The following SLC25A21 variants were observed in gnomAD, a reference collection of about 807,000 sequenced individuals.
SLC25A21 encodes the protein mitochondrial 2-oxodicarboxylate carrier.
In SLC25A21, 47 loss-of-function variants were observed where a neutral mutation model predicts 43.8. The observed-to-expected ratio is 1.07, with a 90% CI of 0.85 to 1.37. The LOEUF is 1.37. SLC25A21 is among the 40% of genes most tolerant of loss of function. The pLI, the probability that SLC25A21 is intolerant of heterozygous loss-of-function variation, is 0.00. For synonymous variants in SLC25A21, 131 were observed against 121.3 expected (o/e 1.08, Z -0.52); for missense variants, 352 against 350.2 (o/e 1.00, Z -0.04).
rs142634456 is a variant in SLC25A21 at position 36,708,480 on chromosome 14, C to T, written c.603+2838G>A. 8.2e-4 allele frequency among the ~76,000 whole-genome samples: 125 copies of T among 152,284 alleles called. No homozygotes were observed. The East Asian group carries it at 0.021, about 25-fold the overall frequency. ...TAAAATAAGATCTTTCCCTGTCATG[C>T]AGGCTGGAGTGCAGTGCCATGGTCA... On this transcript the variant is annotated intron_variant, in intron 7 of 9. Transcript: ENST00000331299.
rs182775403 is a variant in SLC25A21 at position 36,687,385 on chromosome 14, G to A, written c.604-2460C>T. On this transcript the variant is annotated intron_variant, in intron 7 of 9. Transcript: ENST00000331299. ...CTGGGTCCCGCTGCAGACCCATCTC[G>A]GGGGTGAGAAGAAGGTGCCTGCAAG... Among the ~76,000 whole-genome samples the A allele has an allele frequency of 3.0e-4, 45 of 152,276 alleles. No homozygotes were observed. The Middle Eastern group carries it at 0.014, about 46-fold the overall frequency.
At chr14:36,757,233 G>T (rs1056524566) in intron 3 of SLC25A21, among the ~76,000 whole-genome samples, 1 of 152,118 alleles carries the variant, frequency 6.6e-6, no homozygotes, top group African/African-American at 2.4e-5. Flanking sequence ...TCTCCAGCCT[G>T]GGTGACAGAG....
chr14:37,172,552 T>C lies in SLC25A21; in HGVS notation c.-202A>G. 1.4e-6 allele frequency: 1 copy of C among 714,404 alleles called. No individual in the cohort carries two copies. Among genetic ancestry groups the C allele is most frequent in the Non-Finnish European group, 2.5e-6 (1 of 393,922 alleles). The allele number at this position is 714,404 out of a possible 1,614,324, so 44.3% of individuals were successfully genotyped here. A position where few individuals can be genotyped will look rare whatever the true frequency, so the allele number is the denominator to read the frequency against. ...GCGATCTCCGGCGCGTCGGAACCTGTTCGCAGCGCTCTCGCAGAGGCGCCC... is the reference window on the plus strand; with the variant it reads ...GCGATCTCCGGCGCGTCGGAACCTGCTCGCAGCGCTCTCGCAGAGGCGCCC... On this transcript the variant is annotated 5_prime_UTR_variant, in exon 1 of 10. Transcript: ENST00000331299.
At chr14:36,841,064 T>G (rs1252918753) in intron 2 of SLC25A21, among the ~76,000 whole-genome samples, 6 of 152,234 alleles carry the variant, frequency 3.9e-5, no homozygotes, top group Non-Finnish European at 8.8e-5. Flanking sequence ...TTTCCTTTTC[T>G]CCTTTTATGA....
intron 3 of SLC25A21, among the ~76,000 whole-genome samples, chr14:36,750,171 C>T (rs115229819): frequency 0.023 from 3,502 of 152,268 alleles, 151 homozygotes; most frequent in African/African-American, 0.08. Flanking sequence ...TTGAACTATT[C>T]TAAGATCAAT....
Position 37,046,730 on chromosome 14 carries a change from C to T in SLC25A21, c.70+125551G>A, listed in dbSNP as rs945100950. ...CTGTATACACATTCATGATTGTGCTCTGCCCTTTTTTATTTCCTCCACCAA... is the reference window on the plus strand; with the variant it reads ...CTGTATACACATTCATGATTGTGCTTTGCCCTTTTTTATTTCCTCCACCAA... On this transcript the variant is annotated intron_variant, in intron 1 of 9. Transcript: ENST00000331299. 2.0e-5 allele frequency among the ~76,000 whole-genome samples: 3 copies of T among 152,160 alleles called. No homozygotes were observed. The South Asian group carries it at 6.2e-4, about 32-fold the overall frequency.
At chr14:36,758,590 C>CAAA (rs11314165) in intron 3 of SLC25A21, among the ~76,000 whole-genome samples, 19,746 of 127,308 alleles carry the variant, frequency 0.16, 1,599 homozygotes, top group South Asian at 0.23. Context: ...TCAGCCAGGT[C>CAAA]AAAAAAAAAA....
intron 1 of SLC25A21, among the ~76,000 whole-genome samples, chr14:36,924,105 G>C (rs1428667326): frequency 1.3e-5 from 2 of 152,078 alleles, no homozygotes; most frequent in African/African-American, 4.8e-5. Context: ...AACCATTATG[G>C]AAGTCAGTGT....
chr14:36,930,733 T>C (rs1218872124), intron 1 of SLC25A21, among the ~76,000 whole-genome samples: 1 of 152,118 alleles, frequency 6.6e-6, no homozygotes, highest in Non-Finnish European at 1.5e-5. Flanking sequence ...ACTGTTACAA[T>C]GAAGTTCAAA....
At chr14:36,949,132 T>C (rs1016111186) in intron 1 of SLC25A21, among the ~76,000 whole-genome samples, 4 of 152,180 alleles carry the variant, frequency 2.6e-5, no homozygotes, top group African/African-American at 9.6e-5. Flanking sequence ...TGAATATCAG[T>C]CCAGCTTTCT....
intron 1 of SLC25A21, among the ~76,000 whole-genome samples, chr14:36,971,606 G>C (rs137958258): frequency 9.9e-5 from 15 of 151,828 alleles, no homozygotes; most frequent in African/African-American, 3.1e-4. Flanking sequence ...GCTCCCTTTC[G>C]GGCACCTCTC....
At chr14:37,011,987 T>C (rs1337220586) in intron 1 of SLC25A21, among the ~76,000 whole-genome samples, 1 of 152,178 alleles carries the variant, frequency 6.6e-6, no homozygotes, top group Non-Finnish European at 1.5e-5. Flanking sequence ...TTTCTTCTTC[T>C]CAAGAGTTAC....
intron 3 of SLC25A21, among the ~76,000 whole-genome samples, chr14:36,747,970 A>C (rs1414314063): frequency 1.3e-5 from 2 of 152,236 alleles, no homozygotes; most frequent in East Asian, 3.8e-4. Flanking sequence ...GGGATATGTT[A>C]GAAACAAAAA....
intron 1 of SLC25A21, among the ~76,000 whole-genome samples, chr14:36,875,837 T>C (rs1890505742): frequency 6.6e-6 from 1 of 152,162 alleles, no homozygotes; most frequent in Non-Finnish European, 1.5e-5. Context: ...TCAATTATAA[T>C]ACAAACTACT....
rs534591275 is a variant in SLC25A21, at chr14:36,906,763, A to C, written c.71-31759T>G. ...TCATGATCCACCCCCTCAGCCTCCC[A>C]AAGTGCTGGGATTACAGGTGTGAGC... is the stretch of plus-strand genomic sequence containing the variant. On this transcript the variant is annotated intron_variant, in intron 1 of 9. Transcript: ENST00000331299. Among the ~76,000 whole-genome samples the C allele has an allele frequency of 2.6e-5, 4 of 152,216 alleles. No individual in the cohort carries two copies. The East Asian group carries it at 5.8e-4, about 22-fold the overall frequency.
chr14:37,166,148 T>C (rs1489674763), intron 1 of SLC25A21, among the ~76,000 whole-genome samples: 1 of 152,216 alleles, frequency 6.6e-6, no homozygotes, highest in Non-Finnish European at 1.5e-5. Context: ...GCAGAGCATG[T>C]GCTAGATTTC....
At chr14:36,834,899 T>C (rs775972344) in intron 2 of SLC25A21, among the ~76,000 whole-genome samples, 1 of 152,208 alleles carries the variant, frequency 6.6e-6, no homozygotes, top group Non-Finnish European at 1.5e-5. Context: ...CACCAACAAA[T>C]GGTAACCCTA....
intron 2 of SLC25A21, among the ~76,000 whole-genome samples, chr14:36,815,129 T>G (rs1013545934): frequency 1.3e-5 from 2 of 151,972 alleles, no homozygotes; most frequent in African/African-American, 4.8e-5. Flanking sequence ...CGAGAACACA[T>G]GGACACAGGG....
chr14:36,998,382 C>A (rs1355827491), intron 1 of SLC25A21, among the ~76,000 whole-genome samples: 1 of 152,010 alleles, frequency 6.6e-6, no homozygotes, highest in Non-Finnish European at 1.5e-5. Context: ...ATTTGGAATA[C>A]GGACAGAGAT....
Sources: allele counts gnomAD v4.1 joint callset (sites outside exome capture counted in the v4.1 genomes callset), GRCh38; gene constraint gnomAD v4.1.1; transcripts MANE v1.5; gene names NCBI Gene and HGNC (gene_info 2026-07-23, HGNC 2026-07-21).